The following PPM1B variants were observed in gnomAD, a reference collection of about 807,000 sequenced individuals.
PPM1B encodes protein phosphatase, Mg2+/Mn2+ dependent 1B.
Under a neutral mutation model 43.0 loss-of-function variants are expected in PPM1B, and 22 were observed. The observed-to-expected ratio is 0.51, with a 90% CI of 0.37 to 0.73. The LOEUF (loss-of-function observed/expected upper bound fraction) is 0.73, where lower values mean the gene tolerates loss of function less well. Ranked by LOEUF, PPM1B falls within the 30% of genes least tolerant of loss-of-function variation. The pLI, the probability that PPM1B is intolerant of heterozygous loss-of-function variation, is 0.00. For missense variants in PPM1B, 632 were observed against 584.2 expected (o/e 1.08, Z -0.84); for synonymous variants, 217 against 197.9 (o/e 1.10, Z -0.81).
chr2:44,220,931 C>T (rs1333103410), intron 5 of PPM1B, among the ~76,000 whole-genome samples: 3 of 152,150 alleles, frequency 2.0e-5, no homozygotes, highest in Non-Finnish European at 4.4e-5. Context: ...GAAAGGACAT[C>T]TTTTTTGGCT....
chr2:44,211,553 A>C (rs1475235784), intron 3 of PPM1B, among the ~76,000 whole-genome samples: 1 of 150,874 alleles, frequency 6.6e-6, no homozygotes, highest in Non-Finnish European at 1.5e-5. Flanking sequence ...AGGTTACTTA[A>C]TTAATAATTA....
At chr2:44,237,795 A>G (rs1670656881), downstream of PPM1B, among the ~76,000 whole-genome samples, 2 of 152,202 alleles carry the variant, frequency 1.3e-5, no homozygotes, top group African/African-American at 4.8e-5. Flanking sequence ...TGGGTCTGAT[A>G]CCTTCTTTCC....
At chr2:44,232,467 C>T (rs1670496636), downstream of PPM1B, 4 of 1,536,886 alleles carry the variant, frequency 2.6e-6, no homozygotes, top group East Asian at 6.9e-5. Context: ...GTGATATGAG[C>T]AGAAAATCAT....
At chr2:44,241,972 C>T (rs1035808423) in intron 5 of PPM1B, among the ~76,000 whole-genome samples, 1 of 146,296 alleles carries the variant, frequency 6.8e-6, no homozygotes, top group African/African-American at 2.6e-5. Flanking sequence ...CATTCTCCTG[C>T]CCCAGCCTTC....
intron 5 of PPM1B, among the ~76,000 whole-genome samples, chr2:44,240,433 T>C (rs1175433646): frequency 6.9e-6 from 1 of 145,902 alleles, no homozygotes; most frequent in East Asian, 2.0e-4. Flanking sequence ...CTAAGGCAAA[T>C]GGAAAACTCT....
intron 2 of PPM1B, among the ~76,000 whole-genome samples, chr2:44,203,246 C>A (rs1669021301): frequency 6.6e-6 from 1 of 152,156 alleles, no homozygotes; most frequent in Non-Finnish European, 1.5e-5. Flanking sequence ...GATGGTACCT[C>A]TAGCTCCTCT....
intron 2 of PPM1B, among the ~76,000 whole-genome samples, chr2:44,202,586 G>C (rs1400753076): frequency 6.9e-6 from 1 of 145,410 alleles, no homozygotes; most frequent in African/African-American, 2.7e-5. Context: ...AATCTAAAAA[G>C]GATTTACATG....
At chr2:44,192,157 AT>A (rs1348198387) in intron 1 of PPM1B, among the ~76,000 whole-genome samples, 1 of 137,000 alleles carries the variant, frequency 7.3e-6, no homozygotes, top group African/African-American at 2.8e-5. Context: ...CATTTTAATT[AT>A]TTTTATTTTA....
intron 1 of PPM1B, among the ~76,000 whole-genome samples, chr2:44,169,634 G>A (rs1667225000): frequency 1.3e-5 from 2 of 152,234 alleles, no homozygotes; most frequent in South Asian, 2.1e-4. Context: ...AAGCCTTGGC[G>A]CTTCTCTTCC....
At chr2:44,174,648 C>T (rs1321511296) in intron 1 of PPM1B, among the ~76,000 whole-genome samples, 1 of 152,186 alleles carries the variant, frequency 6.6e-6, no homozygotes, top group Non-Finnish European at 1.5e-5. Context: ...CAGTTCTGAT[C>T]AATAATATGT....
intron 3 of PPM1B, among the ~76,000 whole-genome samples, chr2:44,211,982 T>C (rs1043270096): frequency 6.6e-6 from 1 of 152,158 alleles, no homozygotes; most frequent in African/African-American, 2.4e-5. Flanking sequence ...CTTTCTGACC[T>C]CAGGTGATCC....
At chr2:44,219,755 C>G (rs1189362461) in intron 5 of PPM1B, among the ~76,000 whole-genome samples, 1 of 151,932 alleles carries the variant, frequency 6.6e-6, no homozygotes, top group Non-Finnish European at 1.5e-5. Context: ...ACCAGCCTGA[C>G]CAACATGGAG....
downstream of PPM1B, among the ~76,000 whole-genome samples, chr2:44,244,854 T>C (rs991017242): frequency 2.9e-5 from 4 of 138,344 alleles, no homozygotes; most frequent in Non-Finnish European, 4.7e-5. Context: ...CACACACACA[T>C]ATATAGTGTG....
intron 5 of PPM1B, among the ~76,000 whole-genome samples, chr2:44,224,898 A>C (rs1670144318): frequency 6.6e-6 from 1 of 152,200 alleles, no homozygotes; most frequent in South Asian, 2.1e-4. Flanking sequence ...TTCTATAATA[A>C]TTTCACCAAT....
chr2:44,183,441 T>G (rs1039736031), intron 1 of PPM1B, among the ~76,000 whole-genome samples: 1 of 152,214 alleles, frequency 6.6e-6, no homozygotes, highest in Non-Finnish European at 1.5e-5. Context: ...GGCATTTAAC[T>G]GGATGGAGAG....
chr2:44,217,113 G>A (rs1487822395), intron 3 of PPM1B, among the ~76,000 whole-genome samples: 4 of 149,630 alleles, frequency 2.7e-5, no homozygotes, highest in Non-Finnish European at 5.9e-5. Flanking sequence ...TGAAAGTAAG[G>A]CCTGGGCTGG....
intron 5 of PPM1B, among the ~76,000 whole-genome samples, chr2:44,228,922 C>T (rs944842813): frequency 1.3e-5 from 2 of 152,132 alleles, no homozygotes; most frequent in South Asian, 2.1e-4. Context: ...GTAGCTCACA[C>T]CTGTAATCCC....
chr2:44,246,443 C>G (rs889277509), downstream of PPM1B, among the ~76,000 whole-genome samples: 7 of 152,108 alleles, frequency 4.6e-5, no homozygotes, highest in Admixed American at 3.3e-4. Context: ...TCCAGTAACT[C>G]CAAAATTTCA....
At chr2:44,203,473 T>A (rs149393190) in intron 2 of PPM1B, among the ~76,000 whole-genome samples, 1 of 151,180 alleles carries the variant, frequency 6.6e-6, no homozygotes, top group African/African-American at 2.4e-5. Context: ...TCCCCAATTA[T>A]AAAAAAAAGG....
Sources: allele counts gnomAD v4.1 joint callset (sites outside exome capture counted in the v4.1 genomes callset), GRCh38; gene constraint gnomAD v4.1.1; transcripts MANE v1.5; gene names NCBI Gene and HGNC (gene_info 2026-07-23, HGNC 2026-07-21).